The following SPTLC2 variants were observed in gnomAD, a reference collection of about 807,000 sequenced individuals.
SPTLC2 encodes serine palmitoyltransferase long chain base subunit 2.
Under a neutral mutation model 62.0 loss-of-function variants are expected in SPTLC2, and 21 were observed. That is an observed-to-expected ratio of 0.34 (90% CI 0.24 to 0.49). SPTLC2 has a LOEUF of 0.49. SPTLC2 is among the 20% of genes least tolerant of loss of function. The pLI is 0.99. For missense variants in SPTLC2, 511 were observed against 713.0 expected (o/e 0.72, Z 3.23); for synonymous variants, 261 against 261.8 (o/e 1.00, Z 0.03).
In SPTLC2 at chr14:77,552,077, C is replaced by G. The variant is rs763928051; in HGVS notation, c.1303+19G>C. On this transcript the variant is annotated intron_variant, in intron 9 of 11. Coordinates refer to ENST00000216484, the MANE Select transcript of SPTLC2 (RefSeq NM_004863.4). ...TGCTAGGTGGACTTATGCAATGTTT[C>G]AAGAAAAGAAAGACTTACCAAGGCT... 1 of 1,613,524 alleles carries G rather than the reference C, an allele frequency of 6.2e-7. No homozygotes were observed. The highest frequency in any genetic ancestry group is 2.2e-5 in the East Asian group (1 of 44,866).
At chr14:77,593,362 C>G (rs1246246588) in intron 2 of SPTLC2, among the ~76,000 whole-genome samples, 1 of 152,116 alleles carries the variant, frequency 6.6e-6, no homozygotes, top group Admixed American at 6.5e-5. Flanking sequence ...CAGCTGGTCT[C>G]AAACTCCTGG....
chr14:77,533,822 C>A (rs552843860), intron 9 of SPTLC2, among the ~76,000 whole-genome samples: 11 of 152,258 alleles, frequency 7.2e-5, no homozygotes, highest in Admixed American at 3.9e-4. Context: ...CTGGTGCCAA[C>A]TGAATTTTGA....
chr14:77,539,720 C>T (rs1045186139), intron 9 of SPTLC2, among the ~76,000 whole-genome samples: 3 of 151,614 alleles, frequency 2.0e-5, no homozygotes. Context: ...AAACTCCTAA[C>T]CTCAAGTGAT....
intron 1 of SPTLC2, among the ~76,000 whole-genome samples, chr14:77,606,175 C>CA (rs2079903886): frequency 6.6e-6 from 1 of 152,124 alleles, no homozygotes; most frequent in South Asian, 2.1e-4. Flanking sequence ...ACTGAAAATA[C>CA]AAAAATTTGC....
intron 9 of SPTLC2, among the ~76,000 whole-genome samples, chr14:77,529,160 C>T (rs6574382): frequency 0.84 from 128,253 of 152,032 alleles, 54,259 homozygotes; most frequent in East Asian, 0.93. Flanking sequence ...TTTGGAAGTA[C>T]ACCTTTTCTC....
intron 5 of SPTLC2, among the ~76,000 whole-genome samples, chr14:77,563,086 G>T (rs961825801): frequency 6.8e-6 from 1 of 147,684 alleles, no homozygotes; most frequent in African/African-American, 2.5e-5. Flanking sequence ...TCTCGGTTTG[G>T]TTTTTTTTTT....
chr14:77,562,817 G>A (rs745741344), intron 5 of SPTLC2, among the ~76,000 whole-genome samples: 2 of 152,038 alleles, frequency 1.3e-5, no homozygotes, highest in Non-Finnish European at 2.9e-5. Flanking sequence ...GTTTCTTTAC[G>A]TGAGAGAATT....
chr14:77,532,577 G>A (rs2079446028), intron 9 of SPTLC2, among the ~76,000 whole-genome samples: 1 of 152,024 alleles, frequency 6.6e-6, no homozygotes, highest in Admixed American at 6.6e-5. Flanking sequence ...GAGGTCAGGA[G>A]ATGGAGACCA....
At chr14:77,610,536 T>G (rs1000716928) in intron 1 of SPTLC2, among the ~76,000 whole-genome samples, 1 of 152,192 alleles carries the variant, frequency 6.6e-6, no homozygotes, top group African/African-American at 2.4e-5. Context: ...TCCTTACACC[T>G]TGGCTTCCCT....
Position 77,509,639 on chromosome 14 carries a change from G to T in SPTLC2, c.*2645C>A. The T allele has an allele frequency of 2.8e-6, 1 of 361,966 alleles. No homozygotes were observed. The highest frequency in any genetic ancestry group is 4.9e-6 in the Non-Finnish European group (1 of 203,644). 22.4% of individuals were successfully genotyped at this position (361,966 alleles called of 1,614,324 possible). ...TGCCTCAAATCGACTTATTCTCAAT[G>T]ACTGTATTTATATATACTTGTATTC... On this transcript the variant is annotated 3_prime_UTR_variant, in exon 12 of 12. Coordinates refer to ENST00000216484, the MANE Select transcript of SPTLC2 (RefSeq NM_004863.4).
At chr14:77,580,221 C>G (rs1297538501) in intron 2 of SPTLC2, among the ~76,000 whole-genome samples, 1 of 151,966 alleles carries the variant, frequency 6.6e-6, no homozygotes, top group Non-Finnish European at 1.5e-5. Flanking sequence ...ACCTGTAATC[C>G]CAGCACTTTG....
intron 9 of SPTLC2, among the ~76,000 whole-genome samples, chr14:77,531,498 C>CTCG (rs2079440217): frequency 9.0e-6 from 1 of 111,572 alleles, no homozygotes; most frequent in Admixed American, 1.0e-4. Flanking sequence ...CCTCCTCCTC[C>CTCG]TCCTCCTCCT....
chr14:77,544,128 T>G (rs1174409140), intron 9 of SPTLC2, among the ~76,000 whole-genome samples: 1 of 152,086 alleles, frequency 6.6e-6, no homozygotes, highest in African/African-American at 2.4e-5. Context: ...CGCCTTGGCC[T>G]CCCAAGTAGC....
In SPTLC2 at chr14:77,513,016, C is replaced by CTT. The variant is rs1190713237; in HGVS notation, c.1570-615_1570-614dup. On this transcript the variant is annotated intron_variant, in intron 11 of 11. Coordinates refer to ENST00000216484, the MANE Select transcript of SPTLC2 (RefSeq NM_004863.4). ...AGGCGTAAGCCAACGAACCCAGCAACTTTTTTTTTTTTTTTTTTTTTTTTT... is the reference window on the plus strand; with the variant it reads ...AGGCGTAAGCCAACGAACCCAGCAACTTTTTTTTTTTTTTTTTTTTTTTTTTT... 4.8e-3 allele frequency among the ~76,000 whole-genome samples: 302 copies of CTT among 62,820 alleles called. 74 individuals are homozygous for CTT. The highest frequency in any genetic ancestry group is 0.012 in the East Asian group (20 of 1,704). The allele number at this position is 62,820 out of a possible 152,430, so 41.2% of individuals were successfully genotyped here. A position where few individuals can be genotyped will look rare whatever the true frequency, so the allele number is the denominator to read the frequency against.
At chr14:77,527,022 C>T (rs894990030) in intron 9 of SPTLC2, among the ~76,000 whole-genome samples, 1 of 151,690 alleles carries the variant, frequency 6.6e-6, no homozygotes, top group Non-Finnish European at 1.5e-5. Flanking sequence ...TGTCGATCTC[C>T]TGACCTCATG....
chr14:77,550,989 C>T (rs58990038), intron 9 of SPTLC2, among the ~76,000 whole-genome samples: 3,415 of 151,370 alleles, frequency 0.023, 108 homozygotes, highest in African/African-American at 0.078. Flanking sequence ...TTATTCGATG[C>T]AAGCCAAATC....
intron 11 of SPTLC2, 112 bp from the exon 12 acceptor site, chr14:77,512,515 T>G (rs933268772): frequency 6.7e-7 from 1 of 1,501,406 alleles, no homozygotes; most frequent in African/African-American, 1.4e-5. Flanking sequence ...CGGCAGGACT[T>G]ATGTCTAGTG....
intron 4 of SPTLC2, among the ~76,000 whole-genome samples, chr14:77,572,489 GA>G (rs989321409): frequency 2.0e-5 from 3 of 152,182 alleles, no homozygotes; most frequent in Non-Finnish European, 4.4e-5. Flanking sequence ...GAACTTTCCA[GA>G]GGTAATCAAA....
At chr14:77,532,676 C>T (rs1310450304) in intron 9 of SPTLC2, among the ~76,000 whole-genome samples, 3 of 151,732 alleles carry the variant, frequency 2.0e-5, no homozygotes, top group African/African-American at 4.8e-5. Flanking sequence ...CCCAGCTACT[C>T]GGGAGGCTGA....
Sources: gnomAD v4.1 joint callset for allele counts (sites outside exome capture counted in the v4.1 genomes callset) on GRCh38, gnomAD v4.1.1 for gene constraint, MANE v1.5 for transcripts, NCBI Gene and HGNC (gene_info 2026-07-23, HGNC 2026-07-21) for gene names.